Variants in NAV2 observed in about 807,000 individuals in gnomAD.
The protein encoded by NAV2 is helicase, APC down-regulated 1.
A neutral mutation model predicts 223.2 loss-of-function variants in NAV2; 54 were observed. The ratio of observed to expected loss-of-function variants is 0.24; its 90% CI spans 0.19 to 0.30. The LOEUF is 0.30. Among genes scored for constraint, NAV2 ranks in the 10% least tolerant of loss-of-function variants. The pLI is 1.00. For synonymous variants in NAV2, 1,279 were observed against 1,239.3 expected (o/e 1.03, Z -0.67); for missense variants, 2,806 against 3,147.5 (o/e 0.89, Z 2.60).
At chr11:19,893,772 G>C (rs1231345812) in intron 6 of NAV2, among the ~76,000 whole-genome samples, 4 of 152,196 alleles carry the variant, frequency 2.6e-5, no homozygotes, top group Admixed American at 2.6e-4. Context: ...CCAGCCCTTA[G>C]TTTCTGCCTC....
intron 11 of NAV2, among the ~76,000 whole-genome samples, chr11:20,019,947 G>A (rs1327038900): frequency 4.7e-5 from 7 of 148,726 alleles, no homozygotes; most frequent in African/African-American, 1.7e-4. Context: ...AACATGAGAA[G>A]TACAGGAAAA....
At chr11:19,613,522 G>C (rs1327004389) in intron 1 of NAV2, among the ~76,000 whole-genome samples, 8 of 152,172 alleles carry the variant, frequency 5.3e-5, no homozygotes, top group African/African-American at 1.9e-4. Flanking sequence ...GCCATCTCAT[G>C]CCCTAATCAG....
intron 20 of NAV2, among the ~76,000 whole-genome samples, chr11:20,065,732 G>C (rs2059004431): frequency 2.6e-5 from 4 of 152,340 alleles, no homozygotes; most frequent in Admixed American, 2.6e-4. Flanking sequence ...GGGAAGGGCT[G>C]TTAGGGCCTG....
At chr11:19,371,753 T>G (rs936255620) in intron 1 of NAV2, among the ~76,000 whole-genome samples, 46 of 148,438 alleles carry the variant, frequency 3.1e-4, no homozygotes, top group African/African-American at 1.1e-3. Context: ...TATGCCTACC[T>G]TTTTCTGTAT....
At position 19,686,764 on chromosome 11, in the gene NAV2, A is replaced by G. The variant is rs911312322; in HGVS notation, c.76-145720A>G. 2.0e-5 allele frequency among the ~76,000 whole-genome samples: 3 copies of G among 152,284 alleles called. No homozygotes were observed. The East Asian group carries it at 5.8e-4, about 29-fold the overall frequency. Reference sequence around the variant, plus strand: ...TGTTATATCCTGGCTCTGACCTTCAATAAGATACTCCCTTCTCTATCTGGG... The same window carrying G: ...TGTTATATCCTGGCTCTGACCTTCAGTAAGATACTCCCTTCTCTATCTGGG... On this transcript the variant is annotated intron_variant, in intron 1 of 37. Transcript: ENST00000360655.
chr11:19,633,602 G>A (rs1341138504), intron 1 of NAV2, among the ~76,000 whole-genome samples: 2 of 152,284 alleles, frequency 1.3e-5, no homozygotes, highest in Non-Finnish European at 2.9e-5. Context: ...GCCTGACGGA[G>A]CTCGGGCCCA....
intron 1 of NAV2, among the ~76,000 whole-genome samples, chr11:19,607,091 C>T (rs1554973177): frequency 2.0e-5 from 3 of 152,196 alleles, no homozygotes; most frequent in Non-Finnish European, 1.5e-5. Flanking sequence ...CAGAGCAGGC[C>T]GGTAACCACA....
At chr11:19,759,658 T>G (rs1329932668) in intron 1 of NAV2, among the ~76,000 whole-genome samples, 1 of 152,204 alleles carries the variant, frequency 6.6e-6, no homozygotes, top group African/African-American at 2.4e-5. Flanking sequence ...TACTACTTAC[T>G]AGCTATGTTT....
chr11:19,546,593 T>C (rs1289519265), intron 1 of NAV2, among the ~76,000 whole-genome samples: 3 of 152,208 alleles, frequency 2.0e-5, no homozygotes, highest in Non-Finnish European at 4.4e-5. Flanking sequence ...AACCACCCTC[T>C]GATGTCCAAA....
At chr11:20,114,838 C>T (rs761264629) in intron 37 of NAV2, 43 bp downstream of exon 37, 1 of 1,562,960 alleles carries the variant, frequency 6.4e-7, no homozygotes, top group Non-Finnish European at 8.7e-7. Flanking sequence ...TCCTTTAGCA[C>T]TTACTGTGTG....
intron 1 of NAV2, among the ~76,000 whole-genome samples, chr11:19,720,960 A>T (rs2050704094): frequency 6.6e-6 from 1 of 152,240 alleles, no homozygotes; most frequent in African/African-American, 2.4e-5. Context: ...TATGAAGATT[A>T]ACACAGGTAA....
intron 1 of NAV2, among the ~76,000 whole-genome samples, chr11:19,719,203 C>T (rs1313701668): frequency 3.3e-5 from 5 of 152,170 alleles, no homozygotes; most frequent in African/African-American, 1.2e-4. Context: ...GCCTCAGCAG[C>T]AGGGAAGGGA....
At chr11:20,082,269 G>C (rs1223013636) in intron 25 of NAV2, among the ~76,000 whole-genome samples, 1 of 152,142 alleles carries the variant, frequency 6.6e-6, no homozygotes, top group Admixed American at 6.5e-5. Flanking sequence ...AGCACAGAGA[G>C]GTGACTGACA....
intron 3 of NAV2, among the ~76,000 whole-genome samples, chr11:19,852,501 T>C (rs897200077): frequency 2.6e-4 from 40 of 152,216 alleles, no homozygotes; most frequent in Non-Finnish European, 4.1e-4. Context: ...TAAGCTGTCA[T>C]GGGAGAGGCA....
intron 6 of NAV2, among the ~76,000 whole-genome samples, chr11:19,931,985 G>C (rs968159836): frequency 6.6e-6 from 1 of 152,124 alleles, no homozygotes; most frequent in African/African-American, 2.4e-5. Context: ...ATCATCCGGG[G>C]CACTGACTGA....
upstream of NAV2, among the ~76,000 whole-genome samples, chr11:19,348,155 C>T (rs575812033): frequency 2.6e-5 from 4 of 152,244 alleles, no homozygotes; most frequent in East Asian, 3.9e-4. Context: ...GCGTGTGCGC[C>T]GGCTGGTGTG....
intron 1 of NAV2, among the ~76,000 whole-genome samples, chr11:19,566,287 A>G (rs886545828): frequency 6.6e-6 from 1 of 152,048 alleles, no homozygotes; most frequent in African/African-American, 2.4e-5. Context: ...CATGTTGCCC[A>G]GGCTAGTCTC....
intron 22 of NAV2, among the ~76,000 whole-genome samples, chr11:20,068,906 G>A (rs1429093931): frequency 6.6e-6 from 1 of 152,204 alleles, no homozygotes; most frequent in Non-Finnish European, 1.5e-5. Flanking sequence ...CCCGGGCACT[G>A]TGGGTTCAAC....
intron 1 of NAV2, among the ~76,000 whole-genome samples, chr11:19,687,351 C>T (rs2152248269): frequency 6.6e-6 from 1 of 152,308 alleles, no homozygotes; most frequent in South Asian, 2.1e-4. Flanking sequence ...TCAGCCATAA[C>T]CTGGTTCTGT....
Sources: allele counts gnomAD v4.1 joint callset (sites outside exome capture counted in the v4.1 genomes callset), GRCh38; gene constraint gnomAD v4.1.1; transcripts MANE v1.5; gene names NCBI Gene and HGNC (gene_info 2026-07-23, HGNC 2026-07-21).